The following CLEC16A variants were observed in gnomAD, a reference collection of about 807,000 sequenced individuals.
The protein encoded by CLEC16A is protein CLEC16A.
In CLEC16A, 51 loss-of-function variants were observed where a neutral mutation model predicts 109.5. The observed-to-expected ratio is 0.47, with a 90% CI of 0.37 to 0.59. CLEC16A has a LOEUF of 0.59. Among genes scored for constraint, CLEC16A ranks in the 20% least tolerant of loss-of-function variants. The probability of loss-of-function intolerance (pLI) is 0.00; values close to 1 mark genes in which losing one functional copy is unlikely to be tolerated. For missense variants in CLEC16A, 1,339 were observed against 1,394.0 expected (o/e 0.96, Z 0.63); for synonymous variants, 673 against 564.2 (o/e 1.19, Z -2.73).
At chr16:10,962,433 T>G (rs201774170) in intron 2 of CLEC16A, 22 bp from the exon 3 acceptor site, 12 of 1,613,656 alleles carry the variant, frequency 7.4e-6, no homozygotes, top group African/African-American at 1.3e-5. Flanking sequence ...AAGCCACTGA[T>G]GCTTTTCCAT....
chr16:11,157,523 G>A (rs2054579197), intron 22 of CLEC16A, among the ~76,000 whole-genome samples: 1 of 152,230 alleles, frequency 6.6e-6, no homozygotes, highest in African/African-American at 2.4e-5. Flanking sequence ...GCATATACCT[G>A]AAGCTTTCCC....
rs571297461 is a variant in CLEC16A, at chr16:11,104,283, T to TA, written c.2117-16332_2117-16331insA. 2.4e-4 allele frequency among the ~76,000 whole-genome samples: 37 copies of TA among 151,104 alleles called. No individual in the cohort carries two copies. In the South Asian group the frequency reaches 7.0e-3, roughly 28 times the overall value. On this transcript the variant is annotated intron_variant, in intron 19 of 23. Coordinates refer to ENST00000409790, the MANE Select transcript of CLEC16A (RefSeq NM_015226.3). ...GCCACCATACCCAGCTAATTTTTTT[T>TA]TTATTAAAATTATCTCCCTAGGAGT...
At chr16:11,016,521 G>A (rs1437798498) in intron 11 of CLEC16A, among the ~76,000 whole-genome samples, 1 of 151,648 alleles carries the variant, frequency 6.6e-6, no homozygotes, top group East Asian at 1.9e-4. Context: ...GCTAATGTTT[G>A]TGATAGGTTT....
chr16:11,023,064 AG>A (rs945015387), intron 12 of CLEC16A, among the ~76,000 whole-genome samples: 1 of 148,938 alleles, frequency 6.7e-6, no homozygotes, highest in African/African-American at 2.5e-5. Context: ...ATTCAGAATC[AG>A]GGGGACTACC....
intron 22 of CLEC16A, among the ~76,000 whole-genome samples, chr16:11,132,355 GCTT>G (rs1378787244): frequency 1.3e-5 from 2 of 151,720 alleles, no homozygotes; most frequent in Non-Finnish European, 2.9e-5. Flanking sequence ...TTCATGCCTG[GCTT>G]CTTTCAGTTT....
chr16:11,022,902 A>T (rs903301031), intron 12 of CLEC16A, among the ~76,000 whole-genome samples: 2 of 143,026 alleles, frequency 1.4e-5, no homozygotes, highest in Non-Finnish European at 1.5e-5. Flanking sequence ...CCATCTCAAA[A>T]ATATATATAT....
chr16:10,962,569 C>A lies in CLEC16A; in HGVS notation c.324C>A (p.Ile108=), dbSNP rs74163604. Residue 108 remains isoleucine (I), a synonymous_variant, in exon 3 of 24, where the codon ATC becomes ATA. Transcript: ENST00000409790. ...LQTLNILFEN[I]SHETSLYYLL... ...CCTTGAACATCCTCTTTGAGAACAT[C>A]AGTCACGAGACCTCACTTTGTAAGG... 930 of 1,613,724 alleles carry A rather than the reference C, an allele frequency of 5.8e-4. 1 individual carries two copies. The highest frequency in any genetic ancestry group is 7.2e-4 in the Non-Finnish European group (853 of 1,179,786).
Position 11,060,959 on chromosome 16 carries a change from G to A in CLEC16A, c.2053G>A (p.Glu685Lys), listed in dbSNP as rs192909138. Residue 685 changes from glutamate to lysine, a missense_variant, in exon 19 of 24, where the codon GAG (glutamate) becomes AAG (lysine). Physicochemically the swap from Glu to Lys is moderately conservative, Grantham distance 56 (BLOSUM62 1). This residue lies in a region of CLEC16A where 1,061 missense variants were observed against 1,006.8 expected (regional missense o/e 1.05). Coordinates refer to ENST00000409790, the MANE Select transcript of CLEC16A (RefSeq NM_015226.3). ...SLSLQLRGEP[E>K]TQLPLTREED... ...GTCACTGCAATTGCGAGGGGAGCCTGAGACACAGTTGCCGCTGACTCGGGA... is the reference window on the plus strand; with the variant it reads ...GTCACTGCAATTGCGAGGGGAGCCTAAGACACAGTTGCCGCTGACTCGGGA... 53 of 1,612,910 alleles carry A rather than the reference G, an allele frequency of 3.3e-5. 1 individual carries two copies. In the African/African-American group the frequency reaches 6.5e-4, roughly 20 times the overall value.
intron 18 of CLEC16A, among the ~76,000 whole-genome samples, chr16:11,054,949 T>C (rs573842736): frequency 2.8e-4 from 34 of 122,322 alleles, no homozygotes; most frequent in South Asian, 2.3e-3. Context: ...TTTTTTTTTT[T>C]CCACCAAGTA....
rs771012006 is a variant in CLEC16A, at chr16:11,179,667, T to TG, written c.*979dup. 9 of 152,258 alleles carry TG rather than the reference T, an allele frequency of 5.9e-5. No homozygotes were observed. Among genetic ancestry groups the TG allele is most frequent in the Non-Finnish European group, 4.4e-5 (3 of 68,070 alleles). 9.4% of individuals were successfully genotyped at this position (152,258 alleles called of 1,614,324 possible). On this transcript the variant is annotated 3_prime_UTR_variant, in exon 24 of 24. Transcript: ENST00000409790. ...GGGACCGTGAAGACTCCCGACCCTG[T>TG]GGCCATGATGGAAATCAAAGGAAGA...
At chr16:11,106,456 ATTT>A (rs538713695) in intron 19 of CLEC16A, among the ~76,000 whole-genome samples, 1 of 133,528 alleles carries the variant, frequency 7.5e-6, no homozygotes, top group Non-Finnish European at 1.6e-5. Flanking sequence ...ACCCAGCCCA[ATTT>A]TTTTTTTTTT....
At chr16:11,075,408 G>GTGTC (rs1281770010) in intron 19 of CLEC16A, among the ~76,000 whole-genome samples, 1 of 131,690 alleles carries the variant, frequency 7.6e-6, no homozygotes, top group African/African-American at 3.1e-5. Context: ...GTGTGTGTGT[G>GTGTC]TGTCTGTGTG....
Position 10,944,898 on chromosome 16 carries a change from G to A in CLEC16A, c.80+101G>A, listed in dbSNP as rs2145525963. On this transcript the variant is annotated intron_variant, in intron 1 of 23. Transcript: ENST00000409790. Reference sequence around the variant, plus strand: ...TAGGAGGCGTGAGAGCGGCGGCGAAGGGCGCCCGGGGAAGCCCGTGTGGTG... The same window carrying A: ...TAGGAGGCGTGAGAGCGGCGGCGAAAGGCGCCCGGGGAAGCCCGTGTGGTG... The A allele has an allele frequency of 3.4e-6, 4 of 1,164,230 alleles. No homozygotes were observed. The East Asian group carries it at 1.1e-4, about 31-fold the overall frequency. The allele number at this position is 1,164,230 out of a possible 1,614,324, so 72.1% of individuals were successfully genotyped here.
At chr16:11,132,701 C>T (rs768836483) in intron 22 of CLEC16A, among the ~76,000 whole-genome samples, 5 of 152,204 alleles carry the variant, frequency 3.3e-5, no homozygotes, top group Admixed American at 6.5e-5. Flanking sequence ...TGTTCTCTGA[C>T]ACTATCCTGC....
At chr16:11,089,085 C>G (rs956755935) in intron 19 of CLEC16A, among the ~76,000 whole-genome samples, 1 of 152,140 alleles carries the variant, frequency 6.6e-6, no homozygotes. Context: ...CTCTTCGCAC[C>G]TGCACACATA....
At chr16:11,059,252 C>G (rs2048360322) in intron 18 of CLEC16A, among the ~76,000 whole-genome samples, 1 of 152,188 alleles carries the variant, frequency 6.6e-6, no homozygotes, top group Non-Finnish European at 1.5e-5. Flanking sequence ...TTCTTTTTCT[C>G]CCAATTGTTA....
intron 19 of CLEC16A, among the ~76,000 whole-genome samples, chr16:11,087,763 G>C (rs545986303): frequency 1.3e-5 from 2 of 152,226 alleles, no homozygotes; most frequent in African/African-American, 2.4e-5. Flanking sequence ...CAAGCTCATC[G>C]GTCAGCTTTT....
chr16:11,119,946 GTTGTT>G (rs796789926), intron 19 of CLEC16A, among the ~76,000 whole-genome samples: 1 of 131,606 alleles, frequency 7.6e-6, no homozygotes, highest in African/African-American at 3.1e-5. Flanking sequence ...TGATTGTTTT[GTTGTT>G]TTGTTTTGTG....
chr16:11,075,265 A>G (rs1239714942), intron 19 of CLEC16A, among the ~76,000 whole-genome samples: 2 of 152,040 alleles, frequency 1.3e-5, no homozygotes. Context: ...AGGCACATCA[A>G]CCCTTGGGAT....
Sources: gnomAD v4.1 joint callset for allele counts (sites outside exome capture counted in the v4.1 genomes callset) on GRCh38, gnomAD v4.1.1 for gene constraint, gnomAD v4.1.1 regional missense constraint, MANE v1.5 for transcripts, NCBI Gene and HGNC (gene_info 2026-07-23, HGNC 2026-07-21) for gene names.